GLIPR1L1: variants seen among roughly 807,000 people sequenced by gnomAD.
GLIPR1L1 encodes GLIPR1 like 1.
In GLIPR1L1, 26 loss-of-function variants were observed where a neutral mutation model predicts 29.9. The observed-to-expected ratio is 0.87, with a 90% CI of 0.64 to 1.21. The LOEUF (loss-of-function observed/expected upper bound fraction) is 1.21, where lower values mean the gene tolerates loss of function less well. Ranked by LOEUF, GLIPR1L1 falls within the 50% of genes most tolerant of loss-of-function variation. The pLI is 0.00. For missense variants in GLIPR1L1, 305 were observed against 290.3 expected, an observed-to-expected ratio of 1.05 and a Z score of -0.37; for synonymous variants, 77 against 97.5, an observed-to-expected ratio of 0.79 and a Z score of 1.24.
chr12:75,352,212 T>C (rs892018905), intron 3 of GLIPR1L1, among the ~76,000 whole-genome samples: 2 of 152,194 alleles, frequency 1.3e-5, no homozygotes, highest in East Asian at 1.9e-4. Flanking sequence ...CACAGAATGG[T>C]AAGCTGGATA....
At position 75,363,198 on chromosome 12, in the gene GLIPR1L1, A is replaced by T; in HGVS notation, c.610+8A>T. The stretch of plus-strand genomic sequence containing the variant: ...GTGTAAAGAACCTCTGCAGTAAGCA[A>T]AAATATATATATATAATTACATTTA... On this transcript the variant is annotated splice_region_variant and intron_variant, in intron 4 of 5. Coordinates refer to ENST00000378695, the MANE Select transcript of GLIPR1L1 (RefSeq NM_001304964.2). The T allele has an allele frequency of 8.0e-7, 1 of 1,257,572 alleles. No homozygotes were observed. Among genetic ancestry groups the T allele is most frequent in the Non-Finnish European group, 1.1e-6 (1 of 925,694 alleles). 77.9% of individuals were successfully genotyped at this position (1,257,572 alleles called of 1,614,324 possible).
intron 3 of GLIPR1L1, chr12:75,360,569 T>G (rs992201880): frequency 1.3e-5 from 2 of 152,248 alleles, no homozygotes; most frequent in Non-Finnish European, 2.9e-5. Context: ...ATGTCTCATA[T>G]CGGGGGCATG....
intron 3 of GLIPR1L1, among the ~76,000 whole-genome samples, chr12:75,358,882 T>C (rs1196431187): frequency 2.1e-5 from 3 of 140,298 alleles, no homozygotes; most frequent in Non-Finnish European, 4.6e-5. Context: ...AATATATAAT[T>C]ATATATATTA....
intron 3 of GLIPR1L1, among the ~76,000 whole-genome samples, chr12:75,359,603 C>A (rs2043427096): frequency 6.6e-6 from 1 of 151,538 alleles, no homozygotes; most frequent in African/African-American, 2.4e-5. Context: ...TAAAATATTC[C>A]CAACATTGTG....
At chr12:75,337,682 T>C (rs2041830331) in intron 1 of GLIPR1L1, among the ~76,000 whole-genome samples, 1 of 152,048 alleles carries the variant, frequency 6.6e-6, no homozygotes, top group Non-Finnish European at 1.5e-5. Flanking sequence ...TTATTTCATA[T>C]ATGCGTGCCA....
intron 3 of GLIPR1L1, among the ~76,000 whole-genome samples, chr12:75,356,954 A>G (rs1010544210): frequency 6.6e-6 from 1 of 152,294 alleles, no homozygotes; most frequent in Non-Finnish European, 1.5e-5. Context: ...CAAGAGGCTG[A>G]TGTGGGAGAA....
At chr12:75,353,812 C>G (rs1190962123) in intron 3 of GLIPR1L1, among the ~76,000 whole-genome samples, 1 of 152,200 alleles carries the variant, frequency 6.6e-6, no homozygotes. Flanking sequence ...TTGGCTTCAT[C>G]CCCAGGATGC....
chr12:75,353,495 A>G (rs1037623453), intron 3 of GLIPR1L1, among the ~76,000 whole-genome samples: 2 of 152,236 alleles, frequency 1.3e-5, no homozygotes, highest in Non-Finnish European at 1.5e-5. Flanking sequence ...AAATTGAGGC[A>G]GTAATGAACA....
chr12:75,338,361 C>T (rs1045169914), intron 1 of GLIPR1L1, among the ~76,000 whole-genome samples: 7 of 152,056 alleles, frequency 4.6e-5, no homozygotes, highest in African/African-American at 1.7e-4. Flanking sequence ...AATGAAAAAT[C>T]TGTGAGAAAT....
intron 2 of GLIPR1L1, 46 bp from the exon 3 acceptor site, chr12:75,347,576 T>C: frequency 1.6e-6 from 2 of 1,214,108 alleles, no homozygotes. Context: ...ATTGTTTGCA[T>C]AGAATTGTTT....
chr12:75,351,688 A>AGCTG lies in GLIPR1L1; in HGVS notation c.521+3967_521+3968insCTGG, dbSNP rs2042826335. ...CAGCCTCCTGAGTAGCTGGGATTAG[A>AGCTG]GGCGCTCCCCACCACACCCAGCTAA... On this transcript the variant is annotated intron_variant, in intron 3 of 5. Transcript: ENST00000378695. 1.3e-5 allele frequency among the ~76,000 whole-genome samples: 2 copies of AGCTG among 151,902 alleles called. 1 individual carries two copies. The highest frequency in any genetic ancestry group is 2.9e-5 in the Non-Finnish European group (2 of 67,974).
intron 4 of GLIPR1L1, among the ~76,000 whole-genome samples, chr12:75,364,486 G>A (rs984989181): frequency 6.6e-6 from 1 of 152,138 alleles, no homozygotes; most frequent in African/African-American, 2.4e-5. Flanking sequence ...TATTGCCAAG[G>A]GACCTAGATC....
intron 2 of GLIPR1L1, among the ~76,000 whole-genome samples, chr12:75,347,128 AAT>A (rs2042507109): frequency 6.6e-6 from 1 of 151,906 alleles, no homozygotes; most frequent in Non-Finnish European, 1.5e-5. Flanking sequence ...AAATCAACTC[AAT>A]ATGTTTTTCA....
chr12:75,352,562 T>C (rs2042885190), intron 3 of GLIPR1L1, among the ~76,000 whole-genome samples: 1 of 152,170 alleles, frequency 6.6e-6, no homozygotes. Flanking sequence ...TGGAAGATTT[T>C]AACACCCCAC....
Position 75,345,208 on chromosome 12 carries a change from G to T in GLIPR1L1, c.420+1270G>T, listed in dbSNP as rs553111232. Reference sequence around the variant, plus strand: ...TGAGAGTGTATCAAACTTCTCCTGAGCCATAATCTAGAAACTGTCTCCAGG... The same window carrying T: ...TGAGAGTGTATCAAACTTCTCCTGATCCATAATCTAGAAACTGTCTCCAGG... On this transcript the variant is annotated intron_variant, in intron 2 of 5. Coordinates refer to ENST00000378695, the MANE Select transcript of GLIPR1L1 (RefSeq NM_001304964.2). Among the ~76,000 whole-genome samples the T allele has an allele frequency of 1.6e-4, 24 of 152,050 alleles. No homozygotes were observed. In the South Asian group the frequency reaches 5.0e-3, roughly 32 times the overall value.
At chr12:75,353,938 C>G (rs1174962680) in intron 3 of GLIPR1L1, among the ~76,000 whole-genome samples, 1 of 152,132 alleles carries the variant, frequency 6.6e-6, no homozygotes, top group Non-Finnish European at 1.5e-5. Flanking sequence ...TAAAATTCAT[C>G]ATTCCTTTAT....
intron 4 of GLIPR1L1, chr12:75,364,943 T>TGGTTA (rs1412460689): frequency 2.6e-5 from 4 of 152,202 alleles, no homozygotes; most frequent in African/African-American, 9.6e-5. Flanking sequence ...AAATTATTTA[T>TGGTTA]GGTTAGAATG....
chr12:75,370,168 A>C lies in GLIPR1L1; in HGVS notation c.721A>C (p.Ile241Leu). Reference protein sequence around the residue: ...PFSLGFLLLRIF With the variant: ...PFSLGFLLLRLF Reference sequence around the variant, plus strand: ...CAGCTTAGGTTTTCTTCTTCTGAGAATCTTTTAATGTCATTTATATACAAA... The same window carrying C: ...CAGCTTAGGTTTTCTTCTTCTGAGACTCTTTTAATGTCATTTATATACAAA... Residue 241 changes from isoleucine (I) to leucine (L), a missense_variant, in exon 6 of 6, where the codon ATC becomes CTC. Coordinates refer to ENST00000378695, the MANE Select transcript of GLIPR1L1 (RefSeq NM_001304964.2). 1.3e-6 allele frequency: 2 copies of C among 1,502,730 alleles called. No individual in the cohort carries two copies. The highest frequency in any genetic ancestry group is 2.3e-5 in the South Asian group (2 of 88,632). 93.1% of individuals were successfully genotyped at this position (1,502,730 alleles called of 1,614,324 possible). A position where few individuals can be genotyped will look rare whatever the true frequency, so the allele number is the denominator to read the frequency against.
At chr12:75,340,700 T>C (rs1047708767) in intron 1 of GLIPR1L1, among the ~76,000 whole-genome samples, 9 of 149,704 alleles carry the variant, frequency 6.0e-5, no homozygotes, top group Admixed American at 2.0e-4. Flanking sequence ...AAAGAACTCC[T>C]ATCTAGAGAA....
Sources: allele counts gnomAD v4.1 joint callset (sites outside exome capture counted in the v4.1 genomes callset), GRCh38; gene constraint gnomAD v4.1.1; transcripts MANE v1.5; gene names NCBI Gene and HGNC (gene_info 2026-07-23, HGNC 2026-07-21).